The following NDUFS4 variants were observed in gnomAD, a reference collection of about 807,000 sequenced individuals.
NDUFS4 encodes the protein NADH:ubiquinone oxidoreductase subunit S4, also known as NADH dehydrogenase [ubiquinone] iron-sulfur protein 4, mitochondrial.
In NDUFS4, 28 loss-of-function variants were observed where a neutral mutation model predicts 24.3. The ratio of observed to expected loss-of-function variants is 1.15; its 90% CI spans 0.85 to 1.58. The LOEUF is 1.58. Ranked by LOEUF, NDUFS4 falls within the 40% of genes most tolerant of loss-of-function variation. The pLI is 0.00. For missense variants in NDUFS4, 223 were observed against 207.9 expected, an observed-to-expected ratio of 1.07 and a Z score of -0.45; for synonymous variants, 93 against 69.7, an observed-to-expected ratio of 1.34 and a Z score of -1.67.
chr5:53,609,565 C>T (rs1355632629), intron 2 of NDUFS4, among the ~76,000 whole-genome samples: 2 of 152,176 alleles, frequency 1.3e-5, no homozygotes, highest in Non-Finnish European at 1.5e-5. Flanking sequence ...CAGTGAGCAC[C>T]GGAATTGCAT....
At chr5:53,564,292 C>G (rs892225757) in intron 1 of NDUFS4, among the ~76,000 whole-genome samples, 1 of 152,122 alleles carries the variant, frequency 6.6e-6, no homozygotes, top group Admixed American at 6.5e-5. Flanking sequence ...GGGAAATAGG[C>G]TAAGCTCAAA....
At chr5:53,592,651 T>C (rs1324890369) in intron 1 of NDUFS4, among the ~76,000 whole-genome samples, 2 of 152,210 alleles carry the variant, frequency 1.3e-5, no homozygotes, top group African/African-American at 4.8e-5. Context: ...GAAGAGACTG[T>C]CATTATTGGA....
At chr5:53,645,326 A>G (rs1259196301) in intron 2 of NDUFS4, among the ~76,000 whole-genome samples, 2 of 152,148 alleles carry the variant, frequency 1.3e-5, no homozygotes, top group East Asian at 1.9e-4. Flanking sequence ...TTGCAATCAG[A>G]CCTTGGCAAT....
At chr5:53,672,228 AC>A (rs1239141561) in intron 4 of NDUFS4, among the ~76,000 whole-genome samples, 1 of 152,108 alleles carries the variant, frequency 6.6e-6, no homozygotes, top group Non-Finnish European at 1.5e-5. Context: ...TTTTAAAAAA[AC>A]AAAACAAAAA....
intron 1 of NDUFS4, among the ~76,000 whole-genome samples, chr5:53,568,193 T>C (rs1164730410): frequency 1.3e-5 from 2 of 152,184 alleles, no homozygotes; most frequent in East Asian, 3.8e-4. Flanking sequence ...CTGTACTCAC[T>C]AGACTTAATT....
At chr5:53,664,430 C>G (rs1355090188) in intron 4 of NDUFS4, among the ~76,000 whole-genome samples, 1 of 152,152 alleles carries the variant, frequency 6.6e-6, no homozygotes, top group African/African-American at 2.4e-5. Flanking sequence ...GAGTGTTTTC[C>G]AACTTGGTTC....
intron 4 of NDUFS4, 107 bp downstream of exon 4, chr5:53,658,731 A>AGAC: frequency 2.7e-6 from 2 of 752,760 alleles, no homozygotes; most frequent in Non-Finnish European, 4.3e-6. Flanking sequence ...CAGTGGTTTC[A>AGAC]TTGTATCTAA....
chr5:53,581,837 T>C (rs960044574), intron 1 of NDUFS4, among the ~76,000 whole-genome samples: 6 of 152,172 alleles, frequency 3.9e-5, no homozygotes, highest in Admixed American at 3.9e-4. Flanking sequence ...CGTAGGCTAA[T>C]TGATATAAAA....
chr5:53,597,457 A>G (rs1009039260), intron 1 of NDUFS4, among the ~76,000 whole-genome samples: 1 of 152,198 alleles, frequency 6.6e-6, no homozygotes, highest in Non-Finnish European at 1.5e-5. Flanking sequence ...AACTGCTACA[A>G]GGAATATGGG....
At chr5:53,620,853 C>T (rs1414529284) in intron 2 of NDUFS4, among the ~76,000 whole-genome samples, 2 of 152,096 alleles carry the variant, frequency 1.3e-5, no homozygotes, top group East Asian at 3.9e-4. Flanking sequence ...ACTTTTTTAT[C>T]GCCTAGTGTA....
intron 1 of NDUFS4, among the ~76,000 whole-genome samples, chr5:53,572,254 T>G (rs1749231020): frequency 6.6e-6 from 1 of 152,194 alleles, no homozygotes; most frequent in Admixed American, 6.5e-5. Flanking sequence ...CAATGTTCCT[T>G]TCTTTCTGAT....
chr5:53,596,754 T>C (rs1020746801), intron 1 of NDUFS4, among the ~76,000 whole-genome samples: 1 of 152,216 alleles, frequency 6.6e-6, no homozygotes, highest in African/African-American at 2.4e-5. Flanking sequence ...AAGGTGAGTC[T>C]GGGTTAATTT....
rs995263222 is a variant in NDUFS4, at chr5:53,633,608, A to G, written c.178-12625A>G. ...CTCTTTTTTGGGTCTTCATTTCCGTATGAAGGCTTCTGTGTCACATAAAAC... is the reference window on the plus strand; with the variant it reads ...CTCTTTTTTGGGTCTTCATTTCCGTGTGAAGGCTTCTGTGTCACATAAAAC... On this transcript the variant is annotated intron_variant, in intron 2 of 4. Transcript: ENST00000296684. Among the ~76,000 whole-genome samples the G allele has an allele frequency of 4.6e-5, 7 of 152,308 alleles. No homozygotes were observed. In the East Asian group the frequency reaches 1.2e-3, roughly 25 times the overall value.
intron 2 of NDUFS4, among the ~76,000 whole-genome samples, chr5:53,621,763 G>C (rs964046423): frequency 7.1e-6 from 1 of 140,214 alleles, no homozygotes; most frequent in Admixed American, 7.5e-5. Context: ...GTGCAGTGGC[G>C]CGATCTCAAC....
chr5:53,657,777 T>C (rs1203041258), intron 3 of NDUFS4, among the ~76,000 whole-genome samples: 1 of 151,706 alleles, frequency 6.6e-6, no homozygotes, highest in Non-Finnish European at 1.5e-5. Flanking sequence ...ATACACAAAT[T>C]AGCCAGGTAT....
chr5:53,647,448 C>T (rs1426731592), intron 3 of NDUFS4, among the ~76,000 whole-genome samples: 1 of 152,038 alleles, frequency 6.6e-6, no homozygotes, highest in Non-Finnish European at 1.5e-5. Context: ...GAACTCCGGG[C>T]TTCAAGCGAT....
intron 3 of NDUFS4, among the ~76,000 whole-genome samples, chr5:53,654,637 A>G (rs1469688572): frequency 1.3e-5 from 2 of 152,152 alleles, no homozygotes; most frequent in Non-Finnish European, 2.9e-5. Context: ...AGCCACTTAT[A>G]ACTGCTACTG....
chr5:53,577,853 C>A (rs569782249), intron 1 of NDUFS4, among the ~76,000 whole-genome samples: 4 of 152,086 alleles, frequency 2.6e-5, no homozygotes, highest in Non-Finnish European at 5.9e-5. Flanking sequence ...GTAGTTGACC[C>A]GGGATTGTGT....
chr5:53,593,621 T>C (rs1242404462), intron 1 of NDUFS4, among the ~76,000 whole-genome samples: 3 of 151,496 alleles, frequency 2.0e-5, no homozygotes, highest in Non-Finnish European at 4.4e-5. Flanking sequence ...TCTAGTTTCC[T>C]GTGGTGGAAG....
Sources: allele counts gnomAD v4.1 joint callset (sites outside exome capture counted in the v4.1 genomes callset), GRCh38; gene constraint gnomAD v4.1.1; transcripts MANE v1.5; gene names NCBI Gene and HGNC (gene_info 2026-07-23, HGNC 2026-07-21).